Variants in SEPTIN9 observed in about 807,000 individuals in gnomAD.
The protein encoded by SEPTIN9 is septin 9, also known as septin-9.
Under a neutral mutation model 56.6 loss-of-function variants are expected in SEPTIN9, and 13 were observed. The ratio of observed to expected loss-of-function variants is 0.23; its 90% confidence interval spans 0.15 to 0.37. SEPTIN9 has a LOEUF of 0.37. Ranked by LOEUF, SEPTIN9 falls within the 10% of genes least tolerant of loss-of-function variation. The probability of loss-of-function intolerance (pLI) is 1.00; values close to 1 mark genes in which losing one functional copy is unlikely to be tolerated. For synonymous variants in SEPTIN9, 332 were observed against 334.1 expected (o/e 0.99, Z 0.07); for missense variants, 650 against 823.1 (o/e 0.79, Z 2.57).
intron 3 of SEPTIN9, among the ~76,000 whole-genome samples, chr17:77,467,839 C>T (rs1219230323): frequency 1.3e-5 from 2 of 152,240 alleles, no homozygotes; most frequent in African/African-American, 2.4e-5. Context: ...GAAAGGACAG[C>T]AGACTGGCCA....
At chr17:77,406,829 C>T (rs1156808748) in intron 3 of SEPTIN9, among the ~76,000 whole-genome samples, 1 of 152,202 alleles carries the variant, frequency 6.6e-6, no homozygotes, top group African/African-American at 2.4e-5. Flanking sequence ...GGCTACCACG[C>T]CTGGCTAACT....
intron 2 of SEPTIN9, among the ~76,000 whole-genome samples, chr17:77,390,056 C>A (rs1253635345): frequency 6.6e-6 from 1 of 152,186 alleles, no homozygotes; most frequent in Non-Finnish European, 1.5e-5. Flanking sequence ...CGTCCCGGAT[C>A]AGTCGCTGTT....
At chr17:77,308,077 A>G (rs1395461401) in intron 2 of SEPTIN9, among the ~76,000 whole-genome samples, 1 of 152,140 alleles carries the variant, frequency 6.6e-6, no homozygotes, top group African/African-American at 2.4e-5. Context: ...GGAGAGGATG[A>G]TGGGTCACAG....
intron 1 of SEPTIN9, chr17:77,286,175 T>C (rs2031269249): frequency 6.6e-6 from 1 of 152,334 alleles, no homozygotes; most frequent in African/African-American, 2.4e-5. Context: ...GCCCCTCAGT[T>C]GTGAGACAGC....
intron 3 of SEPTIN9, among the ~76,000 whole-genome samples, chr17:77,457,020 CAG>C (rs1374246819): frequency 2.0e-5 from 3 of 152,230 alleles, no homozygotes; most frequent in African/African-American, 7.2e-5. Context: ...ACTGCGGTCT[CAG>C]GGGACTCAGA....
chr17:77,389,710 T>TCCCACCCAGGCCCTGGCGGCCCC lies in SEPTIN9; in HGVS notation c.77-12348_77-12326dup, dbSNP rs2035464827. The stretch of plus-strand genomic sequence containing the variant: ...ACCAGGGACGGAGGGTGGGCGGCCC[T>TCCCACCCAGGCCCTGGCGGCCCC]CCCACCCAGGCCCTGGCGGCCCCAC... On this transcript the variant is annotated intron_variant, in intron 2 of 11. Coordinates refer to ENST00000427177, the MANE Select transcript of SEPTIN9 (RefSeq NM_001113491.2). This position sits in a 1 kb window ranked among gnomAD's most constrained non-coding sequence, Gnocchi z 4.3. Among the ~76,000 whole-genome samples the TCCCACCCAGGCCCTGGCGGCCCC allele has an allele frequency of 6.7e-6, 1 of 149,086 alleles. No homozygotes were observed. Among genetic ancestry groups the TCCCACCCAGGCCCTGGCGGCCCC allele is most frequent in the Non-Finnish European group, 1.5e-5 (1 of 67,316 alleles).
In SEPTIN9 at chr17:77,310,780, C is replaced by T. The variant is rs1442703725; in HGVS notation, c.76+3583C>T. On this transcript the variant is annotated intron_variant, in intron 2 of 11. Transcript: ENST00000427177. The surrounding 1 kb of genome is among the most constrained non-coding windows in gnomAD (Gnocchi z 4.7). ...TCCCACGGTGCACGGAGCATTTCATCTCAGTGGTGCCTGAGCTTCCCTCCC... is the reference window on the plus strand; with the variant it reads ...TCCCACGGTGCACGGAGCATTTCATTTCAGTGGTGCCTGAGCTTCCCTCCC... 6.6e-6 allele frequency among the ~76,000 whole-genome samples: 1 copy of T among 152,182 alleles called. No homozygotes were observed. Among genetic ancestry groups the T allele is most frequent in the African/African-American group, 2.4e-5 (1 of 41,434 alleles).
intron 1 of SEPTIN9, among the ~76,000 whole-genome samples, chr17:77,303,691 A>G (rs113786388): frequency 1.6e-3 from 225 of 139,654 alleles, no homozygotes; most frequent in African/African-American, 5.7e-3. Context: ...AAAAGTAGTA[A>G]TAATAATAAT....
rs1168527557 is a variant in SEPTIN9 at position 77,471,391 on chromosome 17, T to C, written c.722-10753T>C. On this transcript the variant is annotated intron_variant, in intron 3 of 11. Transcript: ENST00000427177. Reference sequence around the variant, plus strand: ...GCTGATCTGCACAGCAGAAGGGAATTGGGGGAAAGCTTTTTTTCTACCCAG... The same window carrying C: ...GCTGATCTGCACAGCAGAAGGGAATCGGGGGAAAGCTTTTTTTCTACCCAG... Among the ~76,000 whole-genome samples, 7 of 152,178 alleles carry C rather than the reference T, an allele frequency of 4.6e-5. No homozygotes were observed. The East Asian group carries it at 1.3e-3, about 29-fold the overall frequency.
In SEPTIN9 at chr17:77,445,371, G is replaced by A; in HGVS notation, c.722-36773G>A. On this transcript the variant is annotated intron_variant, in intron 3 of 11. Transcript: ENST00000427177. The surrounding 1 kb of genome is among the most constrained non-coding windows in gnomAD (Gnocchi z 4.7). ...TGGCATTTGATGGGAAGCATCTGCT[G>A]CATCCCATTGGGGTGTTGCCCAGGA... 1 of 465,756 alleles carries A rather than the reference G, an allele frequency of 2.1e-6. No homozygotes were observed. The highest frequency in any genetic ancestry group is 4.4e-6 in the Non-Finnish European group (1 of 227,048). 28.9% of individuals were successfully genotyped at this position (465,756 alleles called of 1,614,324 possible).
rs1393368900 is a variant in SEPTIN9, at chr17:77,319,917, G to A, written c.76+12720G>A. 1 of 1,108,886 alleles carries A rather than the reference G, an allele frequency of 9.0e-7. No individual in the cohort carries two copies. The highest frequency in any genetic ancestry group is 1.1e-6 in the Non-Finnish European group (1 of 906,820). The allele number at this position is 1,108,886 out of a possible 1,614,324, so 68.7% of individuals were successfully genotyped here. ...AGGTGGAGAGAGGAGGCTGCCGGAA[G>A]CCGCACTCGGGACCTCTGCAGCCAC... On this transcript the variant is annotated intron_variant, in intron 2 of 11. Coordinates refer to ENST00000427177, the MANE Select transcript of SEPTIN9 (RefSeq NM_001113491.2). The surrounding 1 kb of genome is among the most constrained non-coding windows in gnomAD (Gnocchi z 5.3).
Position 77,315,207 on chromosome 17 carries a change from C to T in SEPTIN9, c.76+8010C>T, listed in dbSNP as rs1295915272. Among the ~76,000 whole-genome samples, 3 of 151,802 alleles carry T rather than the reference C, an allele frequency of 2.0e-5. No individual in the cohort carries two copies. The East Asian group carries it at 5.8e-4, about 29-fold the overall frequency. ...GGAGGGGGCAACCAGGGAAGGCTTC[C>T]TAATGGAGGAGGCATTTGATAGCAT... On this transcript the variant is annotated intron_variant, in intron 2 of 11. Coordinates refer to ENST00000427177, the MANE Select transcript of SEPTIN9 (RefSeq NM_001113491.2).
In SEPTIN9 at chr17:77,371,003, T is replaced by C. The variant is rs1480982990; in HGVS notation, c.77-31056T>C. ...ACTTGAAGGGTGGTGCCCAGCTGTT[T>C]CCCATCTCCTCTGAGGACAGGAAAA... On this transcript the variant is annotated intron_variant, in intron 2 of 11. Coordinates refer to ENST00000427177, the MANE Select transcript of SEPTIN9 (RefSeq NM_001113491.2). This position sits in a 1 kb window ranked among gnomAD's most constrained non-coding sequence, Gnocchi z 4.1. 1.3e-5 allele frequency among the ~76,000 whole-genome samples: 2 copies of C among 152,198 alleles called. No individual in the cohort carries two copies. The highest frequency in any genetic ancestry group is 1.3e-4 in the Admixed American group (2 of 15,278).
At chr17:77,406,836 A>G (rs577119526) in intron 3 of SEPTIN9, among the ~76,000 whole-genome samples, 5 of 152,092 alleles carry the variant, frequency 3.3e-5, no homozygotes, top group Non-Finnish European at 7.4e-5. Flanking sequence ...ACGCCTGGCT[A>G]ACTTTTGTAT....
chr17:77,461,461 A>C (rs1361916845), intron 3 of SEPTIN9, among the ~76,000 whole-genome samples: 2 of 152,184 alleles, frequency 1.3e-5, no homozygotes, highest in Non-Finnish European at 2.9e-5. Context: ...GGGACACATG[A>C]AAGATGTTCC....
At chr17:77,407,397 A>G (rs1224730446) in intron 3 of SEPTIN9, among the ~76,000 whole-genome samples, 4 of 149,664 alleles carry the variant, frequency 2.7e-5, no homozygotes, top group Non-Finnish European at 4.4e-5. Flanking sequence ...GTGAGTTGGG[A>G]TGGCTTTTTT....
intron 3 of SEPTIN9, among the ~76,000 whole-genome samples, chr17:77,470,421 T>C (rs2038942861): frequency 4.5e-5 from 6 of 131,966 alleles, no homozygotes; most frequent in East Asian, 2.4e-4. Flanking sequence ...CACTCACCCA[T>C]CCATCTACCC....
chr17:77,399,697 G>A (rs1333461588), intron 2 of SEPTIN9, among the ~76,000 whole-genome samples: 4 of 152,132 alleles, frequency 2.6e-5, no homozygotes, highest in Admixed American at 2.6e-4. Flanking sequence ...TCAGTTCTGG[G>A]CATTGAACCC....
rs1452659351 is a variant in SEPTIN9, at chr17:77,371,821, A to G, written c.77-30238A>G. ...ATGTCCACAAACTCACTTGGTTGAA[A>G]ATAGTTCAAAATATCCAAAGCATGA... On this transcript the variant is annotated intron_variant, in intron 2 of 11. Coordinates refer to ENST00000427177, the MANE Select transcript of SEPTIN9 (RefSeq NM_001113491.2). This position sits in a 1 kb window ranked among gnomAD's most constrained non-coding sequence, Gnocchi z 4.1. Among the ~76,000 whole-genome samples, 1 of 152,234 alleles carries G rather than the reference A, an allele frequency of 6.6e-6. No homozygotes were observed. The highest frequency in any genetic ancestry group is 1.5e-5 in the Non-Finnish European group (1 of 68,036).
Sources: allele counts gnomAD v4.1 joint callset (sites outside exome capture counted in the v4.1 genomes callset), GRCh38; gene constraint gnomAD v4.1.1; non-coding constraint Gnocchi (gnomAD v3.1); transcripts MANE v1.5; gene names NCBI Gene and HGNC (gene_info 2026-07-23, HGNC 2026-07-21).